The following TXNDC16 variants were observed in gnomAD, a reference collection of about 807,000 sequenced individuals.
TXNDC16 encodes thioredoxin domain containing 16, also known as thioredoxin domain-containing protein 16.
TXNDC16 carries 74 observed loss-of-function variants against 85.6 expected under a neutral mutation model. The ratio of observed to expected loss-of-function variants is 0.86; its 90% CI spans 0.72 to 1.05. The LOEUF (loss-of-function observed/expected upper bound fraction) is 1.05. Ranked by LOEUF, TXNDC16 falls within the 50% of genes least tolerant of loss-of-function variation. The probability of loss-of-function intolerance (pLI) is 0.00; values close to 1 mark genes in which losing one functional copy is unlikely to be tolerated. For synonymous variants in TXNDC16, 335 were observed against 326.5 expected (o/e 1.03, Z -0.28); for missense variants, 959 against 947.0 (o/e 1.01, Z -0.17).
At chr14:52,434,408 A>G (rs534220719) in intron 20 of TXNDC16, among the ~76,000 whole-genome samples, 1 of 152,358 alleles carries the variant, frequency 6.6e-6, no homozygotes, top group East Asian at 1.9e-4. Context: ...TAATAAATAC[A>G]TTATTCATCA....
intron 12 of TXNDC16, among the ~76,000 whole-genome samples, chr14:52,483,748 T>C (rs550779342): frequency 1.3e-4 from 20 of 152,324 alleles, no homozygotes; most frequent in Admixed American, 1.1e-3. Context: ...AATAGACTGA[T>C]AGATTCATCC....
chr14:52,456,344 A>G (rs950399578), intron 17 of TXNDC16, among the ~76,000 whole-genome samples: 4 of 152,012 alleles, frequency 2.6e-5, no homozygotes, highest in Non-Finnish European at 1.5e-5. Context: ...GTGATTACCC[A>G]TTGTCAGATG....
intron 11 of TXNDC16, 111 bp downstream of exon 11, chr14:52,490,280 G>A (rs977751012): frequency 2.3e-5 from 16 of 693,784 alleles, no homozygotes; most frequent in Non-Finnish European, 3.0e-5. Context: ...CTTTGAATAG[G>A]AGCAATTTAT....
chr14:52,513,723 C>T (rs956119644), intron 8 of TXNDC16, among the ~76,000 whole-genome samples: 5 of 151,304 alleles, frequency 3.3e-5, no homozygotes, highest in African/African-American at 1.2e-4. Context: ...ACTTACTGAA[C>T]AGGATGTGTA....
At chr14:52,437,980 G>C (rs1038785705) in intron 20 of TXNDC16, among the ~76,000 whole-genome samples, 2 of 152,178 alleles carry the variant, frequency 1.3e-5, no homozygotes, top group Non-Finnish European at 2.9e-5. Flanking sequence ...AGACTTCAGT[G>C]GAGAAAGTAG....
rs745812158 is a variant in TXNDC16 at position 52,490,450 on chromosome 14, C to A, written c.925G>T (p.Asp309Tyr). The change falls in exon 11 of 21, where the codon GAC becomes TAC. Residue 309 changes from aspartate to tyrosine, a missense_variant and splice_region_variant. Coordinates refer to ENST00000281741, the MANE Select transcript of TXNDC16 (RefSeq NM_020784.3). The stretch of plus-strand genomic sequence containing the variant: ...TGAGGAATGTTCACTTCCAAAGAGT[C>A]CCTTTTTCAAAATGGAAATAAATGT... The part of the protein sequence containing the change: ...GKAGVLLLLR[D>Y]SLEVNIPQDA... 3 of 1,596,140 alleles carry A rather than the reference C, an allele frequency of 1.9e-6. No individual in the cohort carries two copies. The highest frequency in any genetic ancestry group is 2.6e-6 in the Non-Finnish European group (3 of 1,173,640).
chr14:52,526,995 G>A (rs1211675125), intron 6 of TXNDC16, among the ~76,000 whole-genome samples: 1 of 152,236 alleles, frequency 6.6e-6, no homozygotes, highest in African/African-American at 2.4e-5. Flanking sequence ...AGCATGCCAG[G>A]GGAGGGCATG....
rs557814760 is a variant in TXNDC16, at chr14:52,482,276, G to T, written c.1266C>A (p.Ser422=). The T allele has an allele frequency of 1.2e-6, 2 of 1,611,542 alleles. No individual in the cohort carries two copies. The highest frequency in any genetic ancestry group is 2.7e-5 in the African/African-American group (2 of 74,800). ...CAATATAGGATTGCAAAAATGCCAT[G>T]GATACTGCTTGCCCTATATGAAAAT... The part of the protein sequence containing the change: ...VLFYAGWQAV[S]MAFLQSYIDV... Residue 422 remains serine, a synonymous_variant, in exon 14 of 21, where the codon TCC becomes TCA. Transcript: ENST00000281741.
At chr14:52,509,544 T>C (rs989668445) in intron 9 of TXNDC16, among the ~76,000 whole-genome samples, 3 of 150,770 alleles carry the variant, frequency 2.0e-5, no homozygotes, top group Non-Finnish European at 2.9e-5. Flanking sequence ...AAAAAGTTAC[T>C]TAAAGAACTA....
At chr14:52,512,166 A>G (rs1466805800) in intron 8 of TXNDC16, among the ~76,000 whole-genome samples, 1 of 152,210 alleles carries the variant, frequency 6.6e-6, no homozygotes, top group Non-Finnish European at 1.5e-5. Flanking sequence ...AATCAATTCA[A>G]TGATTAAAGA....
intron 9 of TXNDC16, among the ~76,000 whole-genome samples, chr14:52,500,603 C>T (rs539155374): frequency 6.7e-4 from 102 of 152,216 alleles, no homozygotes; most frequent in Non-Finnish European, 1.2e-3. Context: ...TAATCTTACA[C>T]GGTTTTTACA....
intron 16 of TXNDC16, among the ~76,000 whole-genome samples, chr14:52,463,887 CTAATA>C (rs1209024367): frequency 6.6e-6 from 1 of 152,078 alleles, no homozygotes; most frequent in African/African-American, 2.4e-5. Context: ...AGTCCAGCTA[CTAATA>C]TATCAGTGTT....
rs900847957 is a variant in TXNDC16, at chr14:52,481,157, T to C, written c.1312+1073A>G. On this transcript the variant is annotated intron_variant, in intron 14 of 20. Coordinates refer to ENST00000281741, the MANE Select transcript of TXNDC16 (RefSeq NM_020784.3). ...GCTAAGCTATGAGGATGCAAGGGCA[T>C]AAGAAAGACAAAATGGACTGTGGGG... is the stretch of plus-strand genomic sequence containing the variant. Among the ~76,000 whole-genome samples the C allele has an allele frequency of 4.6e-5, 7 of 151,732 alleles. No homozygotes were observed. In the East Asian group the frequency reaches 1.4e-3, roughly 29 times the overall value.
intron 9 of TXNDC16, among the ~76,000 whole-genome samples, chr14:52,493,216 T>TACATACACACACAC (rs2036454759): frequency 8.6e-6 from 1 of 115,942 alleles, no homozygotes; most frequent in African/African-American, 3.5e-5. Context: ...TATATATATA[T>TACATACACACACAC]ACACACACAC....
chr14:52,537,640 G>A lies in TXNDC16; in HGVS notation c.276C>T (p.Tyr92=). 6.3e-7 allele frequency: 1 copy of A among 1,592,672 alleles called. No homozygotes were observed. Among genetic ancestry groups the A allele is most frequent in the Non-Finnish European group, 8.6e-7 (1 of 1,162,704 alleles). The change falls in exon 5 of 21, where the codon TAC becomes TAT. Residue 92 remains tyrosine, a synonymous_variant. Coordinates refer to ENST00000281741, the MANE Select transcript of TXNDC16 (RefSeq NM_020784.3). ...VNCVKEEISR[Y]CGKEKDLMKA... The stretch of plus-strand genomic sequence containing the variant: ...TCATCAAATCCTTTTCTTTTCCACA[G>A]TATCTTGATATTTCTTCTTTGACAC...
intron 4 of TXNDC16, among the ~76,000 whole-genome samples, chr14:52,540,600 G>A (rs1425113378): frequency 6.6e-6 from 1 of 152,094 alleles, no homozygotes; most frequent in Admixed American, 6.5e-5. Context: ...ACTCCAGCCT[G>A]GGTGACAGAG....
intron 1 of TXNDC16, among the ~76,000 whole-genome samples, chr14:52,546,190 G>A (rs1301551496): frequency 6.6e-6 from 1 of 152,112 alleles, no homozygotes; most frequent in Non-Finnish European, 1.5e-5. Flanking sequence ...GGGAAGCTAA[G>A]TCGGGAGGAT....
At chr14:52,549,054 T>C (rs1490875001) in intron 1 of TXNDC16, among the ~76,000 whole-genome samples, 1 of 152,154 alleles carries the variant, frequency 6.6e-6, no homozygotes, top group Non-Finnish European at 1.5e-5. Flanking sequence ...CCACAAAAGA[T>C]GCCAATACTA....
chr14:52,508,310 A>C (rs545238791), intron 9 of TXNDC16, among the ~76,000 whole-genome samples: 1 of 152,364 alleles, frequency 6.6e-6, no homozygotes, highest in East Asian at 1.9e-4. Context: ...AAGACACATG[A>C]AAAAATGCTC....
Sources: gnomAD v4.1 joint callset for allele counts (sites outside exome capture counted in the v4.1 genomes callset) on GRCh38, gnomAD v4.1.1 for gene constraint, MANE v1.5 for transcripts, NCBI Gene and HGNC (gene_info 2026-07-23, HGNC 2026-07-21) for gene names.